PCDHGA11: variants seen among roughly 807,000 people sequenced by gnomAD.
PCDHGA11 encodes the protein protocadherin gamma-A11.
PCDHGA11 carries 39 observed loss-of-function variants against 60.4 expected under a neutral mutation model. The observed-to-expected ratio is 0.65, with a 90% CI of 0.50 to 0.84. The LOEUF (loss-of-function observed/expected upper bound fraction) is 0.84, where lower values mean the gene tolerates loss of function less well. Ranked by LOEUF, PCDHGA11 falls within the 40% of genes least tolerant of loss-of-function variation. The probability of loss-of-function intolerance (pLI) is 0.00; values close to 1 mark genes in which losing one functional copy is unlikely to be tolerated. For synonymous variants in PCDHGA11, 533 were observed against 510.3 expected, an observed-to-expected ratio of 1.04 and a Z score of -0.60; for missense variants, 1,165 against 1,197.7, an observed-to-expected ratio of 0.97 and a Z score of 0.40.
intron 1 of PCDHGA11, among the ~76,000 whole-genome samples, chr5:141,482,053 C>G (rs2099551080): frequency 6.6e-6 from 1 of 150,558 alleles, no homozygotes; most frequent in Non-Finnish European, 1.5e-5. Flanking sequence ...CTGTTGCATT[C>G]CAGCCTGGGC....
intron 1 of PCDHGA11, among the ~76,000 whole-genome samples, chr5:141,425,219 G>T (rs779272038): frequency 2.0e-5 from 3 of 152,148 alleles, no homozygotes; most frequent in Non-Finnish European, 2.9e-5. Context: ...ATTGTACTTT[G>T]ACTGGAATTA....
intron 1 of PCDHGA11, among the ~76,000 whole-genome samples, chr5:141,434,345 G>C (rs1254991411): frequency 1.3e-5 from 2 of 152,144 alleles, no homozygotes; most frequent in African/African-American, 4.8e-5. Flanking sequence ...GTCGGGAACA[G>C]GCCCCCCAAA....
At chr5:141,426,029 A>G (rs576464127) in intron 1 of PCDHGA11, among the ~76,000 whole-genome samples, 13 of 152,216 alleles carry the variant, frequency 8.5e-5, no homozygotes, top group Non-Finnish European at 1.9e-4. Flanking sequence ...AAATAGACTC[A>G]GAGCCCTGCT....
chr5:141,426,879 G>T, intron 1 of PCDHGA11: 1 of 456,710 alleles, frequency 2.2e-6, no homozygotes. Flanking sequence ...GAAGCCCCTG[G>T]GCCAGGAGCA....
Position 141,491,627 on chromosome 5 carries a change from A to C in PCDHGA11, c.2434-3180A>C. On this transcript the variant is annotated intron_variant, in intron 1 of 3. Transcript: ENST00000398587. The surrounding 1 kb of genome is among the most constrained non-coding windows in gnomAD (Gnocchi z 6.9). ...ACTTTTCTAAGACCCCTCAGCGTTC[A>C]GCAGCCCACAGCTCTGGCGCTGGAG... 6.2e-7 allele frequency: 1 copy of C among 1,613,924 alleles called. No homozygotes were observed. The highest frequency in any genetic ancestry group is 8.5e-7 in the Non-Finnish European group (1 of 1,180,026).
At position 141,429,460 on chromosome 5, in the gene PCDHGA11, C is replaced by T. The variant is rs528924726; in HGVS notation, c.2433+5800C>T. The stretch of plus-strand genomic sequence containing the variant: ...AAACTCTTGGGCTACAGTAATCCTC[C>T]CACCTCAATCTCCAGAGTAGCTGAG... On this transcript the variant is annotated intron_variant, in intron 1 of 3. Transcript: ENST00000398587. Among the ~76,000 whole-genome samples the T allele has an allele frequency of 1.6e-4, 25 of 151,938 alleles. 1 individual carries two copies. The South Asian group carries it at 4.6e-3, about 28-fold the overall frequency.
In PCDHGA11 at chr5:141,422,790, C is replaced by G; in HGVS notation, c.1563C>G (p.Phe521Leu). 6.2e-7 allele frequency: 1 copy of G among 1,614,060 alleles called. No homozygotes were observed. The highest frequency in any genetic ancestry group is 1.1e-5 in the South Asian group (1 of 91,080). The change falls in exon 1 of 4, where the codon TTC (phenylalanine) becomes TTG (leucine). Residue 521 changes from phenylalanine (F) to leucine (L), a missense_variant. Phe to Leu is a conservative substitution (Grantham distance 22). Transcript: ENST00000398587. ...GTGTTCTCTATGCCCTACAATCCTT[C>G]GACTATGAGCAGTTTCGAGACTTAG... ...NTGVLYALQS[F>L]DYEQFRDLEL...
chr5:141,434,254 T>C (rs1440934691), intron 1 of PCDHGA11, among the ~76,000 whole-genome samples: 3 of 152,176 alleles, frequency 2.0e-5, no homozygotes, highest in Admixed American at 6.5e-5. Context: ...TTGGGCATTG[T>C]GGGGGAGGTG....
chr5:141,511,728 A>C lies in PCDHGA11; in HGVS notation c.*555A>C, dbSNP rs904031366. 2.2e-5 allele frequency: 4 copies of C among 177,940 alleles called. No homozygotes were observed. The highest frequency in any genetic ancestry group is 7.0e-5 in the African/African-American group (3 of 42,626). 11.0% of individuals were successfully genotyped at this position (177,940 alleles called of 1,614,324 possible). ...TCACCTCCTTCCAGAGCCCAAGATC[A>C]ATGCTCAAGTTTTGGAGGACATGAT... On this transcript the variant is annotated 3_prime_UTR_variant, in exon 4 of 4. Coordinates refer to ENST00000398587, the MANE Select transcript of PCDHGA11 (RefSeq NM_018914.3).
chr5:141,438,733 C>T (rs2098057443), intron 1 of PCDHGA11, among the ~76,000 whole-genome samples: 1 of 149,042 alleles, frequency 6.7e-6, no homozygotes, highest in Non-Finnish European at 1.5e-5. Context: ...GTGATCTCAG[C>T]TCACTGCAAC....
chr5:141,505,053 T>C (rs904041070), intron 2 of PCDHGA11, among the ~76,000 whole-genome samples: 2 of 152,108 alleles, frequency 1.3e-5, no homozygotes, highest in African/African-American at 4.8e-5. Context: ...TCCCAGCTAC[T>C]TGGGAGACTG....
chr5:141,445,120 AT>A (rs1287463110), intron 1 of PCDHGA11, among the ~76,000 whole-genome samples: 1 of 152,228 alleles, frequency 6.6e-6, no homozygotes, highest in African/African-American at 2.4e-5. Flanking sequence ...TGTAAATAGT[AT>A]TTTTAAAATT....
chr5:141,447,849 G>A (rs2154561912), intron 1 of PCDHGA11, among the ~76,000 whole-genome samples: 1 of 152,306 alleles, frequency 6.6e-6, no homozygotes, highest in East Asian at 1.9e-4. Context: ...GCTTTGGGAG[G>A]CCGAGGTGGG....
At position 141,423,563 on chromosome 5, in the gene PCDHGA11, C is replaced by T. The variant is rs745802952; in HGVS notation, c.2336C>T (p.Thr779Met). 9.9e-6 allele frequency: 16 copies of T among 1,613,436 alleles called. No homozygotes were observed. In the Admixed American group the frequency reaches 2.3e-4, roughly 24 times the overall value. ...LIFPQPNYGDTLISQESCEKS... is the reference protein window; with the variant it reads ...LIFPQPNYGDMLISQESCEKS... ...TTCCCCCAGCCCAACTATGGGGACA[C>T]GCTCATCAGCCAGGAGAGCTGTGAG... The change falls in exon 1 of 4, where the codon ACG (threonine) becomes ATG (methionine). Residue 779 changes from threonine (T) to methionine (M), a missense_variant. Physicochemically the swap from Thr to Met is moderately conservative, Grantham distance 81. Coordinates refer to ENST00000398587, the MANE Select transcript of PCDHGA11 (RefSeq NM_018914.3).
Position 141,485,718 on chromosome 5 carries a change from T to A in PCDHGA11, c.2434-9089T>A, listed in dbSNP as rs562192762. ...TCCAATGAACACTTTGCACTGGATG[T>A]GAAGAAGCGCAGCGACGGCAGCCTG... On this transcript the variant is annotated intron_variant, in intron 1 of 3. Coordinates refer to ENST00000398587, the MANE Select transcript of PCDHGA11 (RefSeq NM_018914.3). The surrounding 1 kb of genome is among the most constrained non-coding windows in gnomAD (Gnocchi z 5.7). 1 of 1,614,058 alleles carries A rather than the reference T, an allele frequency of 6.2e-7. No homozygotes were observed. The highest frequency in any genetic ancestry group is 2.2e-5 in the East Asian group (1 of 44,866).
Position 141,491,844 on chromosome 5 carries a change from G to A in PCDHGA11, c.2434-2963G>A. On this transcript the variant is annotated intron_variant, in intron 1 of 3. Transcript: ENST00000398587. The surrounding 1 kb of genome is among the most constrained non-coding windows in gnomAD (Gnocchi z 6.9). ...GCTCCACCCGATTCTCGGGATCATT[G>A]GACCGTTTGCGCGAAACCAGAGTGG... 1 of 1,464,184 alleles carries A rather than the reference G, an allele frequency of 6.8e-7. No homozygotes were observed. 90.7% of individuals were successfully genotyped at this position (1,464,184 alleles called of 1,614,324 possible).
At chr5:141,438,366 G>A (rs749623408) in intron 1 of PCDHGA11, among the ~76,000 whole-genome samples, 6 of 151,462 alleles carry the variant, frequency 4.0e-5, no homozygotes, top group Non-Finnish European at 7.4e-5. Context: ...TTGTCATTGA[G>A]GGCAGATATA....
chr5:141,439,368 A>C (rs1346879772), intron 1 of PCDHGA11, among the ~76,000 whole-genome samples: 1 of 152,192 alleles, frequency 6.6e-6, no homozygotes, highest in East Asian at 1.9e-4. Flanking sequence ...CATCAAGAAG[A>C]AATAAAAATA....
At chr5:141,458,172 T>A (rs1023447659) in intron 1 of PCDHGA11, among the ~76,000 whole-genome samples, 2 of 152,216 alleles carry the variant, frequency 1.3e-5, no homozygotes, top group African/African-American at 4.8e-5. Flanking sequence ...CACAGTAGTA[T>A]ACCTTACTTG....
Sources: gnomAD v4.1 joint callset for allele counts (sites outside exome capture counted in the v4.1 genomes callset) on GRCh38, gnomAD v4.1.1 for gene constraint, Gnocchi (gnomAD v3.1) non-coding constraint, MANE v1.5 for transcripts, NCBI Gene and HGNC (gene_info 2026-07-23, HGNC 2026-07-21) for gene names.